The following ARHGEF17 variants were observed in gnomAD, a reference collection of about 807,000 sequenced individuals.
The protein encoded by ARHGEF17 is Rho guanine nucleotide exchange factor 17.
ARHGEF17 carries 80 observed loss-of-function variants against 174.0 expected under a neutral mutation model. The ratio of observed to expected loss-of-function variants is 0.46; its 90% confidence interval spans 0.38 to 0.55. The LOEUF (loss-of-function observed/expected upper bound fraction) is 0.55. ARHGEF17 is among the 20% of genes least tolerant of loss of function. ARHGEF17 has a pLI of 0.00. For synonymous variants in ARHGEF17, 1,311 were observed against 1,189.1 expected, an observed-to-expected ratio of 1.10 and a Z score of -2.11; for missense variants, 2,886 against 2,839.7, an observed-to-expected ratio of 1.02 and a Z score of -0.37.
At chr11:73,360,672 T>A (rs1661343227) in intron 11 of ARHGEF17, 139 bp downstream of exon 11, 2 of 860,248 alleles carry the variant, frequency 2.3e-6, no homozygotes, top group African/African-American at 3.4e-5. Context: ...GGAGGGGGGC[T>A]TCTGCAGTGA....
chr11:73,348,700 G>A (rs1269477798), intron 2 of ARHGEF17, among the ~76,000 whole-genome samples: 1 of 152,156 alleles, frequency 6.6e-6, no homozygotes, highest in Non-Finnish European at 1.5e-5. Context: ...TTTAGAGCTG[G>A]ATGGTCACAC....
chr11:73,346,434 G>T (rs1865461456), intron 1 of ARHGEF17, among the ~76,000 whole-genome samples: 1 of 152,220 alleles, frequency 6.6e-6, no homozygotes, highest in Non-Finnish European at 1.5e-5. Context: ...GGGATGGTGG[G>T]CAGCCCAGCC....
rs184247971 is a variant in ARHGEF17, at chr11:73,353,860, T to G, written c.3453+848T>G. 3.4e-3 allele frequency among the ~76,000 whole-genome samples: 523 copies of G among 152,362 alleles called. 5 individuals carry two copies. The highest frequency in any genetic ancestry group is 0.012 in the African/African-American group (505 of 41,578). ...AACATAGCATGCCATTTTCATTCAT[T>G]GTTAAATTTAGTATTTATAAGAATT... On this transcript the variant is annotated intron_variant, in intron 3 of 20. Transcript: ENST00000263674.
chr11:73,309,999 A>C lies in ARHGEF17; in HGVS notation c.1361A>C (p.Glu454Ala), dbSNP rs1864784705. 1 of 1,614,084 alleles carries C rather than the reference A, an allele frequency of 6.2e-7. No homozygotes were observed. Among genetic ancestry groups the C allele is most frequent in the East Asian group, 2.2e-5 (1 of 44,876 alleles). Residue 454 changes from glutamate (E) to alanine (A), a missense_variant, in exon 1 of 21, where the codon GAA becomes GCA. Coordinates refer to ENST00000263674, the MANE Select transcript of ARHGEF17 (RefSeq NM_014786.4). ...TTGAGGGATGGAGGATTTGAGCCTG[A>C]AAAGAGTCGACAGCGGAAGTCCCTG... ...RALRDGGFEP[E>A]KSRQRKSLSN...
chr11:73,311,619 C>G lies in ARHGEF17; in HGVS notation c.2981C>G (p.Ala994Gly). ...VPEPIGFPTR[A>G]HPTLQAPSLE... ...GAACCCATAGGCTTCCCTACCCGAG[C>G]CCATCCCACGTTGCAGGCACCATCG... Residue 994 changes from alanine to glycine, a missense_variant, in exon 1 of 21, where the codon GCC becomes GGC. Physicochemically the swap from Ala to Gly is moderately conservative, Grantham distance 60. Transcript: ENST00000263674. 1 of 1,613,336 alleles carries G rather than the reference C, an allele frequency of 6.2e-7. No homozygotes were observed.
intron 2 of ARHGEF17, 146 bp from the exon 3 acceptor site, chr11:73,352,684 T>C (rs1249827757): frequency 1.3e-6 from 1 of 792,378 alleles, no homozygotes; most frequent in African/African-American, 1.7e-5. Flanking sequence ...CTCCTGGAGC[T>C]CTTGGTCTCA....
intron 1 of ARHGEF17, among the ~76,000 whole-genome samples, chr11:73,328,790 T>G (rs963281789): frequency 3.3e-5 from 5 of 152,108 alleles, no homozygotes; most frequent in Non-Finnish European, 7.4e-5. Context: ...ACACAGGTGG[T>G]GCCCCAGCTA....
At position 73,355,884 on chromosome 11, in the gene ARHGEF17, G is replaced by C. The variant is rs370063572; in HGVS notation, c.3594G>C (p.Glu1198Asp). The change falls in exon 5 of 21, where the codon GAG becomes GAC. Residue 1198 changes from glutamate to aspartate, a missense_variant. Physicochemically the swap from Glu to Asp is conservative, Grantham distance 45. Around this residue, in one of 4 missense-constraint regions of ARHGEF17, gnomAD observed 353 missense variants for 470.3 expected, o/e 0.75. Coordinates refer to ENST00000263674, the MANE Select transcript of ARHGEF17 (RefSeq NM_014786.4). ...AGCAAAGCATGCGTGAGAACAAGGAGAAGCAGGCGCTGTCTGACCTCATGA... is the reference window on the plus strand; with the variant it reads ...AGCAAAGCATGCGTGAGAACAAGGACAAGCAGGCGCTGTCTGACCTCATGA... Reference protein sequence around the residue: ...FLEQSMRENKEKQALSDLMIK... With the variant: ...FLEQSMRENKDKQALSDLMIK... 166 of 1,614,102 alleles carry C rather than the reference G, an allele frequency of 1.0e-4. No individual in the cohort carries two copies. The highest frequency in any genetic ancestry group is 1.3e-4 in the Non-Finnish European group (157 of 1,180,058).
At chr11:73,311,928 C>T in intron 1 of ARHGEF17, 98 bp downstream of exon 1, 1 of 1,382,460 alleles carries the variant, frequency 7.2e-7, no homozygotes, top group East Asian at 2.5e-5. Flanking sequence ...TGGTCAGGTG[C>T]CCAGGTGCCA....
chr11:73,359,824 C>G lies in ARHGEF17; in HGVS notation c.4088-10C>G, dbSNP rs1398333258. ...CTGTATCAGTCCACGGCCTTCCTCT[C>G]TCCCTCTAGGGGCATCCCAAGCCAC... On this transcript the variant is annotated splice_polypyrimidine_tract_variant and intron_variant, in intron 9 of 20. Coordinates refer to ENST00000263674, the MANE Select transcript of ARHGEF17 (RefSeq NM_014786.4). The G allele has an allele frequency of 6.3e-7, 1 of 1,581,898 alleles. No individual in the cohort carries two copies. Among genetic ancestry groups the G allele is most frequent in the Non-Finnish European group, 8.6e-7 (1 of 1,166,256 alleles).
chr11:73,349,108 G>A lies in ARHGEF17; in HGVS notation c.3270+2148G>A, dbSNP rs1010195352. Reference sequence around the variant, plus strand: ...CGCAAGGAAGCCATGGGAGGATGCAGCCAGAATGCCAGGCAGGAGGAGTAG... The same window carrying A: ...CGCAAGGAAGCCATGGGAGGATGCAACCAGAATGCCAGGCAGGAGGAGTAG... On this transcript the variant is annotated intron_variant, in intron 2 of 20. Transcript: ENST00000263674. 2.6e-5 allele frequency among the ~76,000 whole-genome samples: 4 copies of A among 152,206 alleles called. 1 individual carries two copies. In the South Asian group the frequency reaches 8.3e-4, roughly 31 times the overall value.
chr11:73,348,433 C>T (rs962420598), intron 2 of ARHGEF17, among the ~76,000 whole-genome samples: 11 of 152,138 alleles, frequency 7.2e-5, no homozygotes, highest in African/African-American at 2.2e-4. Context: ...AACAGGGATA[C>T]GCCTTAAAAG....
Position 73,309,709 on chromosome 11 carries a change from G to A in ARHGEF17, c.1071G>A (p.Glu357=). 1 of 1,613,024 alleles carries A rather than the reference G, an allele frequency of 6.2e-7. No individual in the cohort carries two copies. The highest frequency in any genetic ancestry group is 8.5e-7 in the Non-Finnish European group (1 of 1,179,960). ...CGCCCTGCGTCCCAGGTCCCCAGGA[G>A]GGACTTCGGCCTATGTCTGACTCTG... The part of the protein sequence containing the change: ...GSPPCVPGPQ[E]GLRPMSDSVG... Residue 357 remains glutamate (E), a synonymous_variant, in exon 1 of 21, where the codon GAG becomes GAA. Coordinates refer to ENST00000263674, the MANE Select transcript of ARHGEF17 (RefSeq NM_014786.4).
intron 12 of ARHGEF17, 72 bp from the exon 13 acceptor site, chr11:73,361,967 GT>G: frequency 6.4e-7 from 1 of 1,551,460 alleles, no homozygotes. Context: ...TTCTGCCGGG[GT>G]TTCCCAGGAG....
chr11:73,308,869 C>T lies in ARHGEF17; in HGVS notation c.231C>T (p.Ser77=), dbSNP rs1864743244. The T allele has an allele frequency of 3.0e-6, 4 of 1,355,878 alleles. No homozygotes were observed. Among genetic ancestry groups the T allele is most frequent in the Admixed American group, 3.9e-5 (1 of 25,862 alleles). The allele number at this position is 1,355,878 out of a possible 1,614,324, so 84.0% of individuals were successfully genotyped here. A position where few individuals can be genotyped will look rare whatever the true frequency, so the allele number is the denominator to read the frequency against. ...CCGCGCAGCCGCGCCCGCTCCGCAG[C>T]CTCTCGCCGTCGGTTCGCCAGCTCT... is the stretch of plus-strand genomic sequence containing the variant. ...AAPAQPRPLR[S]LSPSVRQLSR... is the part of the protein sequence containing the mutation. The change falls in exon 1 of 21, where the codon AGC becomes AGT. Residue 77 remains serine (S), a synonymous_variant. Coordinates refer to ENST00000263674, the MANE Select transcript of ARHGEF17 (RefSeq NM_014786.4).
At chr11:73,328,597 G>A (rs1865141359) in intron 1 of ARHGEF17, among the ~76,000 whole-genome samples, 1 of 152,240 alleles carries the variant, frequency 6.6e-6, no homozygotes, top group Admixed American at 6.5e-5. Flanking sequence ...GATTTGGGCA[G>A]GGAGGGCTTC....
intron 1 of ARHGEF17, among the ~76,000 whole-genome samples, chr11:73,314,828 G>A (rs959222711): frequency 1.3e-5 from 2 of 151,852 alleles, no homozygotes; most frequent in African/African-American, 2.4e-5. Context: ...AGCTTCCCCC[G>A]CCCCAGCCTC....
chr11:73,367,761 T>A lies in ARHGEF17; in HGVS notation c.6173T>A (p.Leu2058His). The A allele has an allele frequency of 1.9e-6, 3 of 1,613,356 alleles. No homozygotes were observed. Among genetic ancestry groups the A allele is most frequent in the Non-Finnish European group, 2.5e-6 (3 of 1,179,636 alleles). The part of the protein sequence containing the change: ...TVGRDDSTNH[L>H]LLWRV ...GGTCGAGACGACAGCACAAACCACC[T>A]CCTCCTGTGGAGGGTGTGACCCTGT... Residue 2058 changes from leucine (L) to histidine (H), a missense_variant, in exon 21 of 21, where the codon CTC (leucine) becomes CAC (histidine). This residue lies in a region of ARHGEF17 where 329 missense variants were observed against 435.2 expected (regional missense o/e 0.76). Transcript: ENST00000263674.
At chr11:73,361,921 C>A in intron 12 of ARHGEF17, 119 bp from the exon 13 acceptor site, 1 of 534,780 alleles carries the variant, frequency 1.9e-6, no homozygotes. Context: ...ATAGGGCATC[C>A]ACACACACAC....
Sources: allele counts gnomAD v4.1 joint callset (sites outside exome capture counted in the v4.1 genomes callset), GRCh38; gene constraint gnomAD v4.1.1; regional missense constraint gnomAD v4.1.1; transcripts MANE v1.5; gene names NCBI Gene and HGNC (gene_info 2026-07-23, HGNC 2026-07-21).